The following CALCR variants were observed in gnomAD, a reference collection of about 807,000 sequenced individuals.
The protein encoded by CALCR is calcitonin receptor.
CALCR carries 47 observed loss-of-function variants against 59.5 expected under a neutral mutation model. The ratio of observed to expected loss-of-function variants is 0.79; its 90% CI spans 0.63 to 1.01. The LOEUF is 1.01. Among genes scored for constraint, CALCR ranks in the 50% least tolerant of loss-of-function variants. The probability of loss-of-function intolerance (pLI) is 0.00; values close to 1 mark genes in which losing one functional copy is unlikely to be tolerated. For synonymous variants in CALCR, 213 were observed against 211.3 expected (o/e 1.01, Z -0.07); for missense variants, 566 against 597.1 (o/e 0.95, Z 0.54).
chr7:93,501,537 G>A (rs1801321644), intron 2 of CALCR, among the ~76,000 whole-genome samples: 1 of 152,056 alleles, frequency 6.6e-6, no homozygotes, highest in African/African-American at 2.4e-5. Flanking sequence ...GGATGCAGAT[G>A]GGATAATAAC....
intron 2 of CALCR, among the ~76,000 whole-genome samples, chr7:93,524,783 C>T (rs1198574336): frequency 6.6e-6 from 1 of 152,006 alleles, no homozygotes; most frequent in East Asian, 1.9e-4. Flanking sequence ...AATGAGACTC[C>T]ACAACCTTTT....
chr7:93,544,081 C>T (rs1464816164), intron 2 of CALCR, among the ~76,000 whole-genome samples: 1 of 151,512 alleles, frequency 6.6e-6, no homozygotes, highest in Non-Finnish European at 1.5e-5. Flanking sequence ...CAATTATGAC[C>T]ATAAATGTAG....
chr7:93,555,004 A>G (rs779091032), intron 2 of CALCR, among the ~76,000 whole-genome samples: 13 of 151,940 alleles, frequency 8.6e-5, no homozygotes, highest in Non-Finnish European at 1.9e-4. Flanking sequence ...TAGCAAGACC[A>G]AGACTTGATC....
intron 2 of CALCR, among the ~76,000 whole-genome samples, chr7:93,500,144 C>A (rs10226742): frequency 0.051 from 7,724 of 151,908 alleles, 689 homozygotes; most frequent in African/African-American, 0.18. Flanking sequence ...AAAACTCTAT[C>A]ATAGGGTCCA....
intron 2 of CALCR, among the ~76,000 whole-genome samples, chr7:93,570,870 C>A (rs2116294428): frequency 1.3e-5 from 2 of 152,216 alleles, no homozygotes; most frequent in Middle Eastern, 3.4e-3. Context: ...TCTAATCAGA[C>A]AAAACTGTTT....
chr7:93,543,076 A>G (rs1789190283), intron 2 of CALCR, among the ~76,000 whole-genome samples: 1 of 152,220 alleles, frequency 6.6e-6, no homozygotes, highest in Non-Finnish European at 1.5e-5. Context: ...TATGTAATGC[A>G]CATAATTGTA....
chr7:93,552,851 C>A (rs34858811), intron 2 of CALCR, among the ~76,000 whole-genome samples: 1 of 151,924 alleles, frequency 6.6e-6, no homozygotes, highest in Admixed American at 6.6e-5. Flanking sequence ...CACTCCTCCC[C>A]GGTAAAAAGG....
At chr7:93,552,387 C>T (rs974609403) in intron 2 of CALCR, among the ~76,000 whole-genome samples, 3 of 152,134 alleles carry the variant, frequency 2.0e-5, no homozygotes, top group Non-Finnish European at 2.9e-5. Context: ...GATGCCCTTT[C>T]CAAGGCCACA....
At position 93,548,726 on chromosome 7, in the gene CALCR, G is replaced by GA. The variant is rs561428749; in HGVS notation, c.-27+25562dup. ...TTCATCTCATTAAGAGAAGCATTTG[G>GA]AAAAAAAAAAGCTTTACTTTAACTA... On this transcript the variant is annotated intron_variant, in intron 2 of 13. Transcript: ENST00000426151. Among the ~76,000 whole-genome samples the GA allele has an allele frequency of 2.4e-3, 338 of 143,454 alleles. 2 individuals carry two copies. The highest frequency in any genetic ancestry group is 7.5e-3 in the African/African-American group (293 of 39,138). The allele number at this position is 143,454 out of a possible 152,430, so 94.1% of individuals were successfully genotyped here.
chr7:93,505,830 C>A (rs1158737544), intron 2 of CALCR, among the ~76,000 whole-genome samples: 2 of 152,230 alleles, frequency 1.3e-5, no homozygotes, highest in East Asian at 3.9e-4. Context: ...TTCAAAATGG[C>A]GGCTCCACCT....
intron 2 of CALCR, among the ~76,000 whole-genome samples, chr7:93,492,411 T>G (rs952531693): frequency 6.6e-6 from 1 of 151,566 alleles, no homozygotes; most frequent in Non-Finnish European, 1.5e-5. Context: ...CTGTCTACAA[T>G]GTATGCCTAT....
intron 8 of CALCR, among the ~76,000 whole-genome samples, chr7:93,451,656 T>C (rs1199568780): frequency 6.6e-6 from 1 of 152,034 alleles, no homozygotes; most frequent in Non-Finnish European, 1.5e-5. Context: ...CCAGTCAGCC[T>C]TTGTCCATGA....
chr7:93,495,819 C>T, intron 2 of CALCR: 3 of 1,177,306 alleles, frequency 2.5e-6, no homozygotes, highest in Non-Finnish European at 3.6e-6. Context: ...TTAGAACATG[C>T]AAATGAAGAA....
intron 2 of CALCR, among the ~76,000 whole-genome samples, chr7:93,547,826 C>G (rs1465805400): frequency 1.3e-5 from 2 of 152,192 alleles, no homozygotes; most frequent in East Asian, 3.8e-4. Context: ...GGACTTTCAG[C>G]TGTGCCATCT....
rs752496542 is a variant in CALCR at position 93,472,478 on chromosome 7, G to C, written c.326C>G (p.Thr109Arg). The change falls in exon 6 of 14, where the codon ACA becomes AGA. Residue 109 changes from threonine (T) to arginine (R), a missense_variant. Transcript: ENST00000426151. ...FPDFDPSEKV[T>R]KYCDEKGVWF... ...AACACCTTTTTCATCACAGTATTTT[G>C]TAACCTTTTCTGTTAATGAAACATA... 2.5e-6 allele frequency: 4 copies of C among 1,590,570 alleles called. No homozygotes were observed. In the East Asian group the frequency reaches 6.7e-5, roughly 27 times the overall value.
At position 93,445,609 on chromosome 7, in the gene CALCR, G is replaced by T. The variant is rs1584541757; in HGVS notation, c.649-1852C>A. ...GCTTCTAGGGAAAACACATGGTTAG[G>T]TTCCTGTAAGCCTCTGGTCACAAAT... On this transcript the variant is annotated intron_variant, in intron 8 of 13. Coordinates refer to ENST00000426151, the MANE Select transcript of CALCR (RefSeq NM_001742.4). 2.0e-5 allele frequency among the ~76,000 whole-genome samples: 3 copies of T among 152,210 alleles called. 1 individual carries two copies. In the South Asian group the frequency reaches 6.2e-4, roughly 32 times the overall value.
intron 2 of CALCR, among the ~76,000 whole-genome samples, chr7:93,505,021 A>G (rs1801397463): frequency 6.6e-6 from 1 of 152,148 alleles, no homozygotes; most frequent in Non-Finnish European, 1.5e-5. Context: ...CTCCTGATAT[A>G]GTCCCACCAC....
Position 93,426,455 on chromosome 7 carries a change from G to A in CALCR, c.1326C>T (p.Ile442=). The A allele has an allele frequency of 6.2e-7, 1 of 1,613,848 alleles. No homozygotes were observed. Among genetic ancestry groups the A allele is most frequent in the Non-Finnish European group, 8.5e-7 (1 of 1,179,742 alleles). ...GTTCATTCCTCAGCTCCTGATGGCA[G>A]ATGTAAATTGGGATGTCGCCAGCCT... The part of the protein sequence containing the change: ...AAEAGDIPIY[I]CHQELRNEPA... The change falls in exon 14 of 14, where the codon ATC becomes ATT. Residue 442 remains isoleucine (I), a synonymous_variant. Transcript: ENST00000426151.
intron 2 of CALCR, among the ~76,000 whole-genome samples, chr7:93,545,341 A>G (rs1355256376): frequency 6.6e-6 from 1 of 152,170 alleles, no homozygotes; most frequent in African/African-American, 2.4e-5. Context: ...GGCAATAAAT[A>G]TTAAAAGAAT....
Sources: gnomAD v4.1 joint callset for allele counts (sites outside exome capture counted in the v4.1 genomes callset) on GRCh38, gnomAD v4.1.1 for gene constraint, MANE v1.5 for transcripts, NCBI Gene and HGNC (gene_info 2026-07-23, HGNC 2026-07-21) for gene names.